The following BICDL1 variants were observed in gnomAD, a reference collection of about 807,000 sequenced individuals.
BICDL1 encodes BICD family like cargo adaptor 1.
A neutral mutation model predicts 76.8 loss-of-function variants in BICDL1; 20 were observed. The ratio of observed to expected loss-of-function variants is 0.26; its 90% CI spans 0.18 to 0.38. The LOEUF (loss-of-function observed/expected upper bound fraction) is 0.38. BICDL1 is among the 10% of genes least tolerant of loss of function. The pLI is 1.00. For missense variants in BICDL1, 700 were observed against 798.6 expected (o/e 0.88, Z 1.49); for synonymous variants, 383 against 337.1 (o/e 1.14, Z -1.49).
intron 2 of BICDL1, among the ~76,000 whole-genome samples, chr12:120,025,223 T>TG (rs1952271005): frequency 6.6e-6 from 1 of 152,000 alleles, no homozygotes; most frequent in Non-Finnish European, 1.5e-5. Flanking sequence ...GCTAATTTTT[T>TG]GTATTTTTAG....
intron 2 of BICDL1, among the ~76,000 whole-genome samples, chr12:120,051,363 A>G (rs1300192793): frequency 6.6e-6 from 1 of 152,150 alleles, no homozygotes; most frequent in African/African-American, 2.4e-5. Context: ...GATATTTTTA[A>G]TCTTTTATTT....
chr12:120,054,617 G>A (rs185712216), intron 2 of BICDL1, among the ~76,000 whole-genome samples: 1 of 152,146 alleles, frequency 6.6e-6, no homozygotes, highest in Non-Finnish European at 1.5e-5. Flanking sequence ...GGTGGCTCAC[G>A]CCTAATCCCA....
chr12:120,034,110 CA>C (rs1282776768), intron 2 of BICDL1, among the ~76,000 whole-genome samples: 1 of 152,150 alleles, frequency 6.6e-6, no homozygotes, highest in Non-Finnish European at 1.5e-5. Flanking sequence ...GTTTTTGGTT[CA>C]TAAACTTGCT....
intron 2 of BICDL1, among the ~76,000 whole-genome samples, chr12:120,059,301 G>T (rs1012782876): frequency 1.3e-5 from 2 of 151,964 alleles, no homozygotes; most frequent in African/African-American, 4.8e-5. Context: ...ACTGAGTCTC[G>T]CTCTGTAGCC....
intron 2 of BICDL1, among the ~76,000 whole-genome samples, chr12:120,042,634 G>C (rs970265655): frequency 1.8e-4 from 28 of 151,954 alleles, no homozygotes; most frequent in Non-Finnish European, 4.4e-5. Flanking sequence ...ATGAAACCCT[G>C]TCTCTACTAA....
intron 2 of BICDL1, among the ~76,000 whole-genome samples, chr12:120,022,761 C>T (rs1201619283): frequency 6.6e-6 from 1 of 151,938 alleles, no homozygotes; most frequent in African/African-American, 2.4e-5. Flanking sequence ...ACAATTGCCC[C>T]CAGACTGCCT....
chr12:120,001,818 G>C (rs1197158932), intron 2 of BICDL1, among the ~76,000 whole-genome samples: 2 of 152,166 alleles, frequency 1.3e-5, no homozygotes, highest in Admixed American at 1.3e-4. Context: ...AGGAGGTTGA[G>C]GCAGGAGGAT....
At chr12:120,092,151 G>T in intron 9 of BICDL1, 3 of 985,398 alleles carry the variant, frequency 3.0e-6, no homozygotes, top group Non-Finnish European at 3.6e-6. Context: ...TTTGTCAAAT[G>T]GAGTCTTACC....
At chr12:120,041,036 T>A (rs1326355159) in intron 2 of BICDL1, among the ~76,000 whole-genome samples, 1 of 152,174 alleles carries the variant, frequency 6.6e-6, no homozygotes, top group Non-Finnish European at 1.5e-5. Context: ...TATGAGCCAC[T>A]GCTCCCAGCC....
At chr12:120,029,233 A>G (rs990065692) in intron 2 of BICDL1, among the ~76,000 whole-genome samples, 7 of 152,222 alleles carry the variant, frequency 4.6e-5, no homozygotes, top group African/African-American at 1.7e-4. Flanking sequence ...AGAATGTACT[A>G]TGCAACCCCA....
chr12:120,010,343 T>C (rs1951928281), intron 2 of BICDL1, among the ~76,000 whole-genome samples: 1 of 152,244 alleles, frequency 6.6e-6, no homozygotes, highest in Non-Finnish European at 1.5e-5. Context: ...TCCTCCAATT[T>C]CAAATTATTT....
intron 8 of BICDL1, among the ~76,000 whole-genome samples, chr12:120,085,799 CAAAAA>C (rs35399078): frequency 4.3e-5 from 3 of 69,714 alleles, no homozygotes; most frequent in Admixed American, 1.7e-4. Flanking sequence ...GATCCTGCCT[CAAAAA>C]AAAAAAAAAA....
rs939408772 is a variant in BICDL1 at position 120,012,058 on chromosome 12, A to T, written c.645+13322A>T. On this transcript the variant is annotated intron_variant, in intron 2 of 9. Transcript: ENST00000548673. ...ATAGTCTCACATGATGTGGTATATC[A>T]TGTCTGGTAACTTTGTAATGCTGCC... Among the ~76,000 whole-genome samples, 6 of 152,200 alleles carry T rather than the reference A, an allele frequency of 3.9e-5. No individual in the cohort carries two copies. In the East Asian group the frequency reaches 7.7e-4, roughly 20 times the overall value.
intron 2 of BICDL1, chr12:120,057,239 T>TCCTGAGCTCAAGCGATCCTTCA (rs917735357): frequency 2.4e-6 from 1 of 410,036 alleles, no homozygotes; most frequent in Non-Finnish European, 4.8e-6. Flanking sequence ...GGTCTCGAAC[T>TCCTGAGCTCAAGCGATCCTTCA]CCTGAGCTCA....
At chr12:120,017,996 CG>C (rs1566219107) in intron 2 of BICDL1, among the ~76,000 whole-genome samples, 1 of 152,174 alleles carries the variant, frequency 6.6e-6, no homozygotes, top group African/African-American at 2.4e-5. Context: ...TATATCTACC[CG>C]TTTCCTTTGG....
chr12:120,013,522 C>T (rs954810022), intron 2 of BICDL1, among the ~76,000 whole-genome samples: 2 of 150,188 alleles, frequency 1.3e-5, no homozygotes, highest in Non-Finnish European at 3.0e-5. Context: ...AGTGCAGTGG[C>T]GCGATCTCGG....
intron 4 of BICDL1, among the ~76,000 whole-genome samples, chr12:120,067,894 G>T (rs1041190426): frequency 1.3e-5 from 2 of 152,162 alleles, no homozygotes; most frequent in Non-Finnish European, 2.9e-5. Context: ...TCAAAACTGG[G>T]GTTGGAGAAG....
rs1222903758 is a variant in BICDL1, at chr12:120,079,075, C to T, written c.1453-1812C>T. 6.6e-6 allele frequency among the ~76,000 whole-genome samples: 1 copy of T among 152,252 alleles called. No homozygotes were observed. Among genetic ancestry groups the T allele is most frequent in the Admixed American group, 6.5e-5 (1 of 15,286 alleles). On this transcript the variant is annotated intron_variant, in intron 7 of 9. Coordinates refer to ENST00000548673, the MANE Select transcript of BICDL1 (RefSeq NM_001367886.1). This position sits in a 1 kb window ranked among gnomAD's most constrained non-coding sequence, Gnocchi z 4.3. The stretch of plus-strand genomic sequence containing the variant: ...TGCTCCAGCCTGTTCTTCCCCGAGG[C>T]TTCCGCCCTCCTCACCCAGCTGTCC...
intron 2 of BICDL1, among the ~76,000 whole-genome samples, chr12:120,022,742 G>T (rs1262079675): frequency 3.9e-5 from 6 of 152,042 alleles, no homozygotes; most frequent in Non-Finnish European, 2.9e-5. Context: ...AACAAAAGAG[G>T]TGAGGCCTAC....
Sources: gnomAD v4.1 joint callset for allele counts (sites outside exome capture counted in the v4.1 genomes callset) on GRCh38, gnomAD v4.1.1 for gene constraint, Gnocchi (gnomAD v3.1) non-coding constraint, MANE v1.5 for transcripts, NCBI Gene and HGNC (gene_info 2026-07-23, HGNC 2026-07-21) for gene names.